GPBP1: variants seen among roughly 807,000 people sequenced by gnomAD.
The protein encoded by GPBP1 is vasculin.
In GPBP1, 13 loss-of-function variants were observed where a neutral mutation model predicts 56.5. That is an observed-to-expected ratio of 0.23 (90% CI 0.15 to 0.37). GPBP1 has a LOEUF of 0.37. Among genes scored for constraint, GPBP1 ranks in the 10% least tolerant of loss-of-function variants. GPBP1 has a pLI of 1.00. For missense variants in GPBP1, 477 were observed against 572.3 expected (o/e 0.83, Z 1.70); for synonymous variants, 204 against 188.9 (o/e 1.08, Z -0.66).
chr5:57,256,714 A>G (rs1270979739), intron 10 of GPBP1, among the ~76,000 whole-genome samples: 1 of 152,212 alleles, frequency 6.6e-6, no homozygotes, highest in Non-Finnish European at 1.5e-5. Context: ...ACTTGCTGAA[A>G]AAGATCCTAA....
chr5:57,209,821 C>G (rs898524076), intron 2 of GPBP1, among the ~76,000 whole-genome samples: 1 of 152,090 alleles, frequency 6.6e-6, no homozygotes, highest in Non-Finnish European at 1.5e-5. Context: ...GTCACTCTTG[C>G]ATTCCTGGGA....
Position 57,231,153 on chromosome 5 carries a change from A to T in GPBP1, c.243A>T (p.Thr81=), listed in dbSNP as rs1225735911. 1 of 1,614,104 alleles carries T rather than the reference A, an allele frequency of 6.2e-7. No individual in the cohort carries two copies. Among genetic ancestry groups the T allele is most frequent in the Admixed American group, 1.7e-5 (1 of 60,012 alleles). Residue 81 remains threonine, a synonymous_variant, in exon 5 of 12, where the codon ACA becomes ACT. Transcript: ENST00000506184. Reference sequence around the variant, plus strand: ...GGCGTACACATGGAAGAAATGGTACAGAAAACATAAATCATCGAGGTGGAT... The same window carrying T: ...GGCGTACACATGGAAGAAATGGTACTGAAAACATAAATCATCGAGGTGGAT... The part of the protein sequence containing the change: ...NGWRTHGRNG[T]ENINHRGGYH...
intron 5 of GPBP1, among the ~76,000 whole-genome samples, chr5:57,232,269 T>A (rs1380137180): frequency 6.6e-6 from 1 of 152,170 alleles, no homozygotes; most frequent in Admixed American, 6.6e-5. Context: ...ATTATAGGTG[T>A]AAAAAGTAAA....
intron 2 of GPBP1, among the ~76,000 whole-genome samples, chr5:57,213,681 A>G (rs79312124): frequency 0.11 from 16,618 of 152,170 alleles, 988 homozygotes; most frequent in South Asian, 0.13. Flanking sequence ...GCACAAGACT[A>G]CATCATAGAT....
At chr5:57,250,548 GT>G (rs751963720) in intron 9 of GPBP1, among the ~76,000 whole-genome samples, 1,856 of 131,594 alleles carry the variant, frequency 0.014, 13 homozygotes, top group African/African-American at 0.03. Flanking sequence ...ATGGTTGTTG[GT>G]TTTTTTTTTT....
rs535264337 is a variant in GPBP1, at chr5:57,262,581, GT to G, written c.1264-11del. On this transcript the variant is annotated splice_polypyrimidine_tract_variant and intron_variant, in intron 11 of 11. Coordinates refer to ENST00000506184, the MANE Select transcript of GPBP1 (RefSeq NM_022913.4). ...TGAGGGATAATTTATTTATTTTGCT[GT>G]TAACATTTTAGTTACAGAAGAATGG... 2.5e-6 allele frequency: 4 copies of G among 1,582,698 alleles called. No homozygotes were observed. The highest frequency in any genetic ancestry group is 3.5e-6 in the Non-Finnish European group (4 of 1,152,304).
rs576003017 is a variant in GPBP1, at chr5:57,252,439, G to A, written c.1160+1298G>A. 1.3e-4 allele frequency among the ~76,000 whole-genome samples: 20 copies of A among 152,124 alleles called. 1 individual carries two copies. The South Asian group carries it at 2.7e-3, about 21-fold the overall frequency. ...AGTGTCTCACTCTGTCACCCAGGCC[G>A]GAGTGCAGTGGTGCGGTATTAGCTC... On this transcript the variant is annotated intron_variant, in intron 10 of 11. Coordinates refer to ENST00000506184, the MANE Select transcript of GPBP1 (RefSeq NM_022913.4).
chr5:57,249,569 C>T lies in GPBP1; in HGVS notation c.965C>T (p.Ser322Leu). 3 of 1,595,404 alleles carry T rather than the reference C, an allele frequency of 1.9e-6. No individual in the cohort carries two copies. The highest frequency in any genetic ancestry group is 1.7e-6 in the Non-Finnish European group (2 of 1,174,920). ...CATGAAGATGAAAGCCGTGCTGGCT[C>T]AGAGAAGGTAATTGAATTTATAGCA... Reference protein sequence around the residue: ...EEHEDESRAGSEKDDDSFNLH... With the variant: ...EEHEDESRAGLEKDDDSFNLH... Residue 322 changes from serine to leucine, a missense_variant, in exon 9 of 12, where the codon TCA (serine) becomes TTA (leucine). Ser to Leu is a moderately radical substitution (Grantham distance 145). Around this residue, in one of 2 missense-constraint regions of GPBP1, gnomAD observed 414 missense variants for 458.2 expected, o/e 0.90. Coordinates refer to ENST00000506184, the MANE Select transcript of GPBP1 (RefSeq NM_022913.4).
intron 9 of GPBP1, 107 bp from the exon 10 acceptor site, chr5:57,250,847 A>G (rs537278940): frequency 1.5e-5 from 12 of 781,878 alleles, no homozygotes; most frequent in African/African-American, 1.4e-4. Flanking sequence ...GCCTGGCCGC[A>G]TTTATGTATT....
chr5:57,218,375 A>G (rs1199624098), intron 3 of GPBP1, among the ~76,000 whole-genome samples: 1 of 152,216 alleles, frequency 6.6e-6, no homozygotes, highest in African/African-American at 2.4e-5. Context: ...ATTTGTTGGG[A>G]TGGCTCAAAG....
intron 2 of GPBP1, among the ~76,000 whole-genome samples, chr5:57,211,326 A>G (rs1269192477): frequency 1.3e-5 from 2 of 152,190 alleles, no homozygotes; most frequent in Middle Eastern, 3.4e-3. Context: ...AGCTGGGACT[A>G]CAGGCATGGA....
intron 6 of GPBP1, among the ~76,000 whole-genome samples, chr5:57,236,312 C>A (rs533634471): frequency 2.6e-5 from 4 of 152,122 alleles, no homozygotes; most frequent in Admixed American, 2.6e-4. Flanking sequence ...TGAATTGATA[C>A]CATTTTGAGA....
At chr5:57,231,396 CT>C in intron 5 of GPBP1, 75 bp downstream of exon 5, 1 of 1,214,114 alleles carries the variant, frequency 8.2e-7, no homozygotes, top group Non-Finnish European at 1.2e-6. Context: ...GCCTCAGCCT[CT>C]CCAGTATCTG....
chr5:57,231,418 C>A, intron 5 of GPBP1, 97 bp downstream of exon 5: 1 of 930,908 alleles, frequency 1.1e-6, no homozygotes, highest in Non-Finnish European at 1.6e-6. Flanking sequence ...GGATTACAGG[C>A]ATCCACCACC....
intron 3 of GPBP1, among the ~76,000 whole-genome samples, chr5:57,227,391 A>G (rs1756244245): frequency 6.6e-6 from 1 of 151,938 alleles, no homozygotes; most frequent in Admixed American, 6.6e-5. Context: ...ATGGAGTTTC[A>G]CTGTATTGAC....
intron 2 of GPBP1, among the ~76,000 whole-genome samples, chr5:57,200,367 T>C (rs1347880981): frequency 7.2e-6 from 1 of 138,158 alleles, no homozygotes; most frequent in Non-Finnish European, 1.6e-5. Flanking sequence ...TGAATTTTTT[T>C]TTTTTTTTTT....
At position 57,230,872 on chromosome 5, in the gene GPBP1, T is replaced by A. The variant is rs1457972722; in HGVS notation, c.90T>A (p.Ser30=). 6.2e-7 allele frequency: 1 copy of A among 1,609,654 alleles called. No individual in the cohort carries two copies. Among genetic ancestry groups the A allele is most frequent in the Non-Finnish European group, 8.5e-7 (1 of 1,178,414 alleles). ...TKSSLNFEKH[S]ENFAWTENRY... ...CGTCATTGAATTTTGAGAAGCATTC[T>A]GAAAACTTTGCATGGACAGAGAATC... Residue 30 remains serine, a synonymous_variant, in exon 4 of 12, where the codon TCT becomes TCA. Coordinates refer to ENST00000506184, the MANE Select transcript of GPBP1 (RefSeq NM_022913.4).
intron 8 of GPBP1, 36 bp downstream of exon 8, chr5:57,247,251 A>C (rs79762564): frequency 0.11 from 161,812 of 1,526,022 alleles, 9,202 homozygotes; most frequent in South Asian, 0.14. Flanking sequence ...GGAATGTAAC[A>C]TTTTAATTAT....
chr5:57,175,088 G>T (rs1045679849), intron 1 of GPBP1, among the ~76,000 whole-genome samples: 1 of 152,210 alleles, frequency 6.6e-6, no homozygotes, highest in African/African-American at 2.4e-5. Context: ...ATCGAAGAGG[G>T]TTGGAGATCT....
Sources: allele counts gnomAD v4.1 joint callset (sites outside exome capture counted in the v4.1 genomes callset), GRCh38; gene constraint gnomAD v4.1.1; regional missense constraint gnomAD v4.1.1; transcripts MANE v1.5; gene names NCBI Gene and HGNC (gene_info 2026-07-23, HGNC 2026-07-21).